The following MPPED2 variants were observed in gnomAD, a reference collection of about 807,000 sequenced individuals.
MPPED2 encodes the protein metallophosphoesterase MPPED2.
MPPED2 carries 5 observed loss-of-function variants against 33.0 expected under a neutral mutation model. That is an observed-to-expected ratio of 0.15 (90% CI 0.08 to 0.32). The LOEUF (loss-of-function observed/expected upper bound fraction) is 0.32. Among genes scored for constraint, MPPED2 ranks in the 10% least tolerant of loss-of-function variants. The pLI is 1.00. For missense variants in MPPED2, 275 were observed against 372.1 expected (o/e 0.74, Z 2.15); for synonymous variants, 136 against 141.9 (o/e 0.96, Z 0.29).
intron 4 of MPPED2, among the ~76,000 whole-genome samples, chr11:30,467,940 A>G (rs556199951): frequency 6.6e-6 from 1 of 152,192 alleles, no homozygotes; most frequent in African/African-American, 2.4e-5. Context: ...AACCAAGGCA[A>G]AACAACATGG....
chr11:30,445,919 T>C (rs1949784764), intron 4 of MPPED2, among the ~76,000 whole-genome samples: 1 of 152,244 alleles, frequency 6.6e-6, no homozygotes, highest in African/African-American at 2.4e-5. Context: ...AACCTGGCTA[T>C]ACAAATATCC....
At chr11:30,431,701 C>T (rs1280219563) in intron 4 of MPPED2, among the ~76,000 whole-genome samples, 3 of 152,128 alleles carry the variant, frequency 2.0e-5, no homozygotes, top group African/African-American at 4.8e-5. Flanking sequence ...TACTCAACCA[C>T]GTTTTCTTCT....
chr11:30,527,687 G>A (rs1226418082), intron 3 of MPPED2, among the ~76,000 whole-genome samples: 1 of 152,156 alleles, frequency 6.6e-6, no homozygotes, highest in African/African-American at 2.4e-5. Context: ...TGGTGGCCAG[G>A]TAGGGCCACT....
intron 3 of MPPED2, among the ~76,000 whole-genome samples, chr11:30,512,096 C>T (rs888962172): frequency 6.6e-6 from 1 of 152,158 alleles, no homozygotes; most frequent in South Asian, 2.1e-4. Context: ...AATGACTTCA[C>T]TGAGGAGACA....
chr11:30,409,256 C>T (rs975562781), downstream of MPPED2, among the ~76,000 whole-genome samples: 1 of 152,142 alleles, frequency 6.6e-6, no homozygotes, highest in Non-Finnish European at 1.5e-5. Context: ...GTGTACCTCT[C>T]ACTCCAACCC....
chr11:30,575,796 G>A (rs1956904777), intron 2 of MPPED2, among the ~76,000 whole-genome samples: 1 of 152,150 alleles, frequency 6.6e-6, no homozygotes, highest in African/African-American at 2.4e-5. Flanking sequence ...CACTCCCGTG[G>A]AGTAACTGGA....
intron 4 of MPPED2, among the ~76,000 whole-genome samples, chr11:30,435,922 A>G (rs1464268522): frequency 6.6e-6 from 1 of 152,210 alleles, no homozygotes; most frequent in Admixed American, 6.5e-5. Flanking sequence ...AGCATAGCAT[A>G]GGAGAGATGC....
chr11:30,513,618 G>C (rs1285800474), intron 3 of MPPED2, among the ~76,000 whole-genome samples: 1 of 152,096 alleles, frequency 6.6e-6, no homozygotes, highest in Non-Finnish European at 1.5e-5. Flanking sequence ...GGTGATGATA[G>C]GTTAAGTCTC....
intron 4 of MPPED2, among the ~76,000 whole-genome samples, chr11:30,463,563 C>T (rs1408652460): frequency 6.6e-6 from 1 of 152,202 alleles, no homozygotes; most frequent in Non-Finnish European, 1.5e-5. Flanking sequence ...CAGCTTAGTT[C>T]TGCGAAGTGG....
chr11:30,488,216 A>T (rs751659104), intron 4 of MPPED2, among the ~76,000 whole-genome samples: 1 of 152,234 alleles, frequency 6.6e-6, no homozygotes, highest in Admixed American at 6.5e-5. Context: ...TTAGTAATAC[A>T]TACCCTGGTT....
At chr11:30,452,885 A>G (rs978949553) in intron 4 of MPPED2, among the ~76,000 whole-genome samples, 4 of 148,998 alleles carry the variant, frequency 2.7e-5, no homozygotes, top group East Asian at 2.0e-4. Context: ...GGGATCTGGG[A>G]AAAAAAAAAG....
intron 5 of MPPED2, among the ~76,000 whole-genome samples, chr11:30,416,167 A>T (rs1480344610): frequency 2.0e-5 from 3 of 152,372 alleles, no homozygotes; most frequent in Admixed American, 2.0e-4. Flanking sequence ...ATGAAAAAGC[A>T]TGGGAATGGT....
chr11:30,551,215 C>A (rs374248472), intron 2 of MPPED2, among the ~76,000 whole-genome samples: 1 of 152,192 alleles, frequency 6.6e-6, no homozygotes, highest in East Asian at 1.9e-4. Flanking sequence ...ACTATTCCCA[C>A]GCTTAGGCAC....
intron 4 of MPPED2, among the ~76,000 whole-genome samples, chr11:30,427,966 T>C (rs1948915370): frequency 6.6e-6 from 1 of 152,244 alleles, no homozygotes; most frequent in Non-Finnish European, 1.5e-5. Flanking sequence ...ACTTCGACTC[T>C]ACTTTTTCTA....
exon 7 of MPPED2, chr11:30,386,196 C>A (rs998859441): frequency 6.6e-6 from 1 of 152,254 alleles, no homozygotes; most frequent in Non-Finnish European, 1.5e-5. Context: ...GGCTGTGGAG[C>A]AACCACTTGC....
intron 3 of MPPED2, among the ~76,000 whole-genome samples, chr11:30,498,410 C>T (rs1429488057): frequency 6.6e-6 from 1 of 152,008 alleles, no homozygotes; most frequent in Non-Finnish European, 1.5e-5. Context: ...TGTGATAAAA[C>T]CCTATCTCTA....
chr11:30,408,974 A>G (rs919988640), downstream of MPPED2, among the ~76,000 whole-genome samples: 4 of 152,208 alleles, frequency 2.6e-5, no homozygotes, highest in Non-Finnish European at 5.9e-5. Flanking sequence ...GTGCATATGA[A>G]ATGGTGGACT....
In MPPED2 at chr11:30,417,579, C is replaced by T. The variant is rs1370886130; in HGVS notation, c.591G>A (p.Leu197=). Residue 197 remains leucine, a synonymous_variant, in exon 5 of 7, where the codon CTG becomes CTA. Coordinates refer to ENST00000358117, the MANE Select transcript of MPPED2 (RefSeq NM_001584.3). ...CCTCAGGGATGAGGTTCCACTTGTC[C>T]AGCAGAGACTGACCTCTGGGTAGGT... ...GFNLPRGQSL[L]DKWNLIPEGI... 1.9e-6 allele frequency: 3 copies of T among 1,613,406 alleles called. No homozygotes were observed. In the South Asian group the frequency reaches 3.3e-5, roughly 18 times the overall value.
chr11:30,428,111 A>G (rs113382960), intron 4 of MPPED2, among the ~76,000 whole-genome samples: 25 of 152,246 alleles, frequency 1.6e-4, no homozygotes, highest in African/African-American at 6.0e-4. Flanking sequence ...ACCCATTTCC[A>G]TATGTGGCAA....
Sources: allele counts gnomAD v4.1 joint callset (sites outside exome capture counted in the v4.1 genomes callset), GRCh38; gene constraint gnomAD v4.1.1; transcripts MANE v1.5; gene names NCBI Gene and HGNC (gene_info 2026-07-23, HGNC 2026-07-21).